The following WWC2 variants were observed in gnomAD, a reference collection of about 807,000 sequenced individuals.
The protein encoded by WWC2 is protein WWC2.
In WWC2, 101 loss-of-function variants were observed where a neutral mutation model predicts 138.5. The ratio of observed to expected loss-of-function variants is 0.73; its 90% CI spans 0.62 to 0.86. WWC2 has a LOEUF of 0.86. Among genes scored for constraint, WWC2 ranks in the 40% least tolerant of loss-of-function variants. The pLI is 0.00. For missense variants in WWC2, 1,420 were observed against 1,419.4 expected (o/e 1.00, Z -0.01); for synonymous variants, 558 against 538.4 (o/e 1.04, Z -0.50).
intron 1 of WWC2, among the ~76,000 whole-genome samples, chr4:183,124,426 T>C (rs1205126764): frequency 6.6e-6 from 1 of 151,974 alleles, no homozygotes; most frequent in Non-Finnish European, 1.5e-5. Context: ...TATTTTTTTC[T>C]TAAAGTAACC....
chr4:183,109,516 C>T (rs1475762383), intron 1 of WWC2, among the ~76,000 whole-genome samples: 1 of 152,150 alleles, frequency 6.6e-6, no homozygotes, highest in Non-Finnish European at 1.5e-5. Context: ...ACTGTTGGAT[C>T]TCAGATCATC....
chr4:183,117,463 T>C (rs968874473), intron 1 of WWC2, among the ~76,000 whole-genome samples: 5 of 152,062 alleles, frequency 3.3e-5, no homozygotes, highest in Admixed American at 3.3e-4. Flanking sequence ...TCAGGTGATC[T>C]GCCCGCCTCA....
At chr4:183,198,807 A>AAG (rs1946918957) in intron 2 of WWC2, among the ~76,000 whole-genome samples, 1 of 150,524 alleles carries the variant, frequency 6.6e-6, no homozygotes, top group Non-Finnish European at 1.5e-5. Flanking sequence ...AAAAAAAAAA[A>AAG]AAAAAAAAGG....
At chr4:183,243,130 C>T (rs1048766043) in intron 5 of WWC2, among the ~76,000 whole-genome samples, 3 of 152,122 alleles carry the variant, frequency 2.0e-5, no homozygotes, top group African/African-American at 7.2e-5. Context: ...ACCAGTCCTG[C>T]TTTTATTTTT....
At chr4:183,232,868 G>A (rs370645101) in intron 4 of WWC2, among the ~76,000 whole-genome samples, 1 of 152,006 alleles carries the variant, frequency 6.6e-6, no homozygotes, top group East Asian at 1.9e-4. Flanking sequence ...GGCTGGTCTC[G>A]AACTCCTGAC....
At chr4:183,174,762 T>A (rs1021936031) in intron 1 of WWC2, among the ~76,000 whole-genome samples, 2 of 152,144 alleles carry the variant, frequency 1.3e-5, no homozygotes, top group Non-Finnish European at 2.9e-5. Flanking sequence ...AATTTTATCA[T>A]CTCCTTTTCC....
At chr4:183,118,041 A>G (rs1055775266) in intron 1 of WWC2, among the ~76,000 whole-genome samples, 10 of 146,542 alleles carry the variant, frequency 6.8e-5, no homozygotes, top group East Asian at 2.1e-4. Context: ...TTCGTGATCC[A>G]CCCACCTTGG....
intron 1 of WWC2, among the ~76,000 whole-genome samples, chr4:183,140,516 AAGC>A (rs1733270220): frequency 6.6e-6 from 1 of 152,202 alleles, no homozygotes; most frequent in Non-Finnish European, 1.5e-5. Context: ...GATAAAGACA[AAGC>A]AGATTTGCCC....
intron 1 of WWC2, among the ~76,000 whole-genome samples, chr4:183,133,467 T>A (rs983028100): frequency 4.6e-5 from 7 of 152,076 alleles, no homozygotes; most frequent in African/African-American, 1.7e-4. Context: ...CAGGTGAGCT[T>A]GGTTTACAAT....
intron 1 of WWC2, among the ~76,000 whole-genome samples, chr4:183,170,266 C>G (rs59093554): frequency 0.029 from 4,481 of 152,248 alleles, 227 homozygotes; most frequent in African/African-American, 0.1. Flanking sequence ...AGGCAGACAC[C>G]TAGAGTCACA....
chr4:183,248,569 C>T, intron 6 of WWC2, 145 bp from the exon 7 acceptor site: 1 of 777,552 alleles, frequency 1.3e-6, no homozygotes, highest in Non-Finnish European at 1.9e-6. Flanking sequence ...GTTATTTTTT[C>T]AATTATATAA....
chr4:183,192,954 A>G (rs1397091807), intron 1 of WWC2, among the ~76,000 whole-genome samples: 3 of 152,248 alleles, frequency 2.0e-5, no homozygotes, highest in Non-Finnish European at 4.4e-5. Flanking sequence ...CTACAGAGAA[A>G]GCGTCTTAAA....
At chr4:183,284,172 G>C in intron 18 of WWC2, 54 bp from the exon 19 acceptor site, 1 of 1,594,014 alleles carries the variant, frequency 6.3e-7, no homozygotes, top group Admixed American at 1.7e-5. Context: ...GAAGAAAGGA[G>C]CATAATGTTT....
At chr4:183,180,537 C>T (rs1283697006) in intron 1 of WWC2, among the ~76,000 whole-genome samples, 5 of 152,026 alleles carry the variant, frequency 3.3e-5, no homozygotes, top group Non-Finnish European at 5.9e-5. Flanking sequence ...GGGATGCAAA[C>T]ATTTATAGCA....
At chr4:183,123,090 T>G (rs1480593916) in intron 1 of WWC2, among the ~76,000 whole-genome samples, 1 of 152,168 alleles carries the variant, frequency 6.6e-6, no homozygotes, top group Admixed American at 6.5e-5. Flanking sequence ...TTGATATTAC[T>G]ACTAAGGAGA....
chr4:183,206,078 C>T lies in WWC2; in HGVS notation c.242-1875C>T, dbSNP rs1735438392. ...AATTCAGCAGTGCCTCCTTTCTCTG[C>T]TTGAGTTACCCCTCTTTGCACTGCT... On this transcript the variant is annotated intron_variant, in intron 2 of 22. Coordinates refer to ENST00000403733, the MANE Select transcript of WWC2 (RefSeq NM_024949.6). 2.0e-5 allele frequency among the ~76,000 whole-genome samples: 3 copies of T among 152,060 alleles called. No individual in the cohort carries two copies. The South Asian group carries it at 6.2e-4, about 32-fold the overall frequency.
At chr4:183,145,674 C>CA (rs1376324715) in intron 1 of WWC2, among the ~76,000 whole-genome samples, 2 of 152,156 alleles carry the variant, frequency 1.3e-5, no homozygotes, top group African/African-American at 2.4e-5. Context: ...CCAAAACTGA[C>CA]AGACTTAAAA....
chr4:183,187,668 C>T (rs557046953), intron 1 of WWC2, among the ~76,000 whole-genome samples: 1 of 151,084 alleles, frequency 6.6e-6, no homozygotes, highest in Non-Finnish European at 1.5e-5. Flanking sequence ...GTCAGGAGTT[C>T]GAGACCAGCC....
In WWC2 at chr4:183,253,326, G is replaced by A. The variant is rs144976459; in HGVS notation, c.954-431G>A. 7.8e-3 allele frequency among the ~76,000 whole-genome samples: 1,187 copies of A among 152,210 alleles called. 19 individuals are homozygous for A. The highest frequency in any genetic ancestry group is 0.027 in the African/African-American group (1,137 of 41,526). Reference sequence around the variant, plus strand: ...CATCTAAAACACATTGGAATAAAATGTATAGTGATGGCATCTCAGACATCA... The same window carrying A: ...CATCTAAAACACATTGGAATAAAATATATAGTGATGGCATCTCAGACATCA... On this transcript the variant is annotated intron_variant, in intron 8 of 22. Coordinates refer to ENST00000403733, the MANE Select transcript of WWC2 (RefSeq NM_024949.6).
Sources: gnomAD v4.1 joint callset for allele counts (sites outside exome capture counted in the v4.1 genomes callset) on GRCh38, gnomAD v4.1.1 for gene constraint, MANE v1.5 for transcripts, NCBI Gene and HGNC (gene_info 2026-07-23, HGNC 2026-07-21) for gene names.